The following CELF2 variants were observed in gnomAD, a reference collection of about 807,000 sequenced individuals.
CELF2 encodes CUG triplet repeat RNA-binding protein 2.
A neutral mutation model predicts 62.6 loss-of-function variants in CELF2; 8 were observed. The ratio of observed to expected loss-of-function variants is 0.13; its 90% CI spans 0.07 to 0.23. The LOEUF (loss-of-function observed/expected upper bound fraction) is 0.23. Ranked by LOEUF, CELF2 falls within the 10% of genes least tolerant of loss-of-function variation. CELF2 has a pLI of 1.00. For missense variants in CELF2, 333 were observed against 671.0 expected, an observed-to-expected ratio of 0.50 and a Z score of 5.56; for synonymous variants, 258 against 250.0, an observed-to-expected ratio of 1.03 and a Z score of -0.30.
intron 1 of CELF2, among the ~76,000 whole-genome samples, chr10:11,055,029 T>A (rs184749328): frequency 5.9e-5 from 9 of 152,370 alleles, no homozygotes; most frequent in Admixed American, 2.0e-4. Flanking sequence ...GTGTATTCTT[T>A]TAGAGAAAGT....
rs559831648 is a variant in CELF2 at position 10,913,007 on chromosome 10, AAAG to A, written c.54-6952_54-6950del. On this transcript the variant is annotated intron_variant, in intron 1 of 13. Transcript: ENST00000636488. ...ATGGCCTGGAATAGTGGCTGGTGTT[AAAG>A]AAGATTCCATTTGATGTGAACAGTT... Among the ~76,000 whole-genome samples, 754 of 152,348 alleles carry A rather than the reference AAAG, an allele frequency of 4.9e-3. 7 individuals are homozygous for A. The highest frequency in any genetic ancestry group is 0.017 in the African/African-American group (712 of 41,582).
intron 2 of CELF2, chr10:10,927,363 A>AC (rs2065620565): frequency 6.6e-6 from 1 of 151,456 alleles, no homozygotes; most frequent in African/African-American, 2.4e-5. Context: ...AAAAAAAAAA[A>AC]AAACACCTTT....
the CELF2 span, among the ~76,000 whole-genome samples, chr10:10,781,342 G>A: frequency 1.3e-5 from 2 of 152,166 alleles, no homozygotes; most frequent in African/African-American, 4.8e-5. Flanking sequence ...AGCTGTGTTA[G>A]TCTGTTCTCA....
At chr10:10,650,725 A>G in the CELF2 span, among the ~76,000 whole-genome samples, 2 of 152,252 alleles carry the variant, frequency 1.3e-5, no homozygotes, top group Admixed American at 6.5e-5. Flanking sequence ...TACATTGCTT[A>G]CTAAAAATAG....
chr10:11,214,827 G>A lies in CELF2; in HGVS notation c.272-2598G>A, dbSNP rs1200316393. Among the ~76,000 whole-genome samples the A allele has an allele frequency of 6.6e-6, 1 of 152,238 alleles. No homozygotes were observed. Among genetic ancestry groups the A allele is most frequent in the Non-Finnish European group, 1.5e-5 (1 of 68,042 alleles). On this transcript the variant is annotated intron_variant, in intron 2 of 12. Transcript: ENST00000633077. The surrounding 1 kb of genome is among the most constrained non-coding windows in gnomAD (Gnocchi z 4.2). ...GTTGGAAGAGGATCTGTAGTGATAA[G>A]TGACTGACTTCACCGTACTAGTTGT...
At chr10:10,729,203 G>A in the CELF2 span, among the ~76,000 whole-genome samples, 10 of 152,260 alleles carry the variant, frequency 6.6e-5, no homozygotes, top group African/African-American at 1.4e-4. Context: ...AGGAAGATTC[G>A]GTCTTTTGAC....
intron 2 of CELF2, among the ~76,000 whole-genome samples, chr10:11,186,584 G>A (rs2074993662): frequency 6.6e-6 from 1 of 151,970 alleles, no homozygotes; most frequent in South Asian, 2.1e-4. Context: ...TTGACCTGTG[G>A]GTTATTCAGA....
rs532608849 is a variant in CELF2 at position 11,292,529 on chromosome 10, C to T, written c.976+3977C>T. ...GTGTGATGCATAAGCTGGTTTAACCCACATTTCTGAGCCTTCTAGTTCATG... is the reference window on the plus strand; with the variant it reads ...GTGTGATGCATAAGCTGGTTTAACCTACATTTCTGAGCCTTCTAGTTCATG... On this transcript the variant is annotated intron_variant, in intron 9 of 12. Coordinates refer to ENST00000633077, the MANE Select transcript of CELF2 (RefSeq NM_001326342.2). Among the ~76,000 whole-genome samples the T allele has an allele frequency of 1.6e-4, 24 of 152,280 alleles. No homozygotes were observed. In the South Asian group the frequency reaches 3.7e-3, roughly 24 times the overall value.
the CELF2 span, among the ~76,000 whole-genome samples, chr10:10,777,455 C>T: frequency 2.0e-5 from 3 of 152,144 alleles, no homozygotes; most frequent in African/African-American, 7.2e-5. Flanking sequence ...AGCTATCACA[C>T]CTCACCCCTC....
At chr10:10,559,690 C>T in the CELF2 span, among the ~76,000 whole-genome samples, 1 of 152,196 alleles carries the variant, frequency 6.6e-6, no homozygotes, top group Non-Finnish European at 1.5e-5. Context: ...AAGTCATCTA[C>T]ATCTCCAGTG....
Position 11,320,948 on chromosome 10 carries a change from G to A in CELF2, c.1097-241G>A, listed in dbSNP as rs780488445. Reference sequence around the variant, plus strand: ...GGCATTGAGCTGTCTCGTCTAACTCGTGCCACAGTGCATTTGAATCACTGG... The same window carrying A: ...GGCATTGAGCTGTCTCGTCTAACTCATGCCACAGTGCATTTGAATCACTGG... On this transcript the variant is annotated intron_variant, in intron 10 of 12. Coordinates refer to ENST00000633077, the MANE Select transcript of CELF2 (RefSeq NM_001326342.2). 93 of 1,540,040 alleles carry A rather than the reference G, an allele frequency of 6.0e-5. No individual in the cohort carries two copies. In the South Asian group the frequency reaches 7.5e-4, roughly 12 times the overall value.
chr10:10,620,660 T>C, the CELF2 span, among the ~76,000 whole-genome samples: 1 of 152,002 alleles, frequency 6.6e-6, no homozygotes, highest in Non-Finnish European at 1.5e-5. Flanking sequence ...CCCAGCACTT[T>C]GGGAGGCCGA....
intron 1 of CELF2, among the ~76,000 whole-genome samples, chr10:11,107,408 T>TAGCC (rs921259860): frequency 9.2e-5 from 14 of 152,132 alleles, no homozygotes; most frequent in Non-Finnish European, 1.5e-4. Context: ...CATCCACCAA[T>TAGCC]AGCCACCTCC....
intron 2 of CELF2, chr10:10,923,831 T>C (rs949793400): frequency 1.3e-5 from 2 of 152,266 alleles, no homozygotes; most frequent in Non-Finnish European, 2.9e-5. Context: ...GAACCATTTT[T>C]TGAACTATGA....
the CELF2 span, among the ~76,000 whole-genome samples, chr10:10,696,882 T>A: frequency 9.2e-5 from 14 of 152,320 alleles, no homozygotes; most frequent in South Asian, 1.9e-3. Flanking sequence ...GCCCACTGTC[T>A]GGCACTCCCT....
chr10:10,630,405 A>G, the CELF2 span, among the ~76,000 whole-genome samples: 4 of 152,150 alleles, frequency 2.6e-5, no homozygotes, highest in Non-Finnish European at 5.9e-5. Flanking sequence ...CAGAGAGATA[A>G]TCCTTACACC....
intron 8 of CELF2, among the ~76,000 whole-genome samples, chr10:11,278,538 C>T (rs2086989313): frequency 6.6e-6 from 1 of 152,206 alleles, no homozygotes; most frequent in African/African-American, 2.4e-5. Flanking sequence ...GAGAAAGTGT[C>T]TTCTCTGCCT....
intron 3 of CELF2, among the ~76,000 whole-genome samples, chr10:11,225,021 T>C (rs2066022155): frequency 6.6e-6 from 1 of 152,148 alleles, no homozygotes; most frequent in Admixed American, 6.5e-5. Context: ...AAGTTTCGTC[T>C]GTCCCTCTGC....
chr10:10,486,817 C>G, the CELF2 span, among the ~76,000 whole-genome samples: 1 of 152,040 alleles, frequency 6.6e-6, no homozygotes, highest in African/African-American at 2.4e-5. Context: ...ACTTAGGAAG[C>G]CATTGACATG....
Sources: gnomAD v4.1 joint callset for allele counts (sites outside exome capture counted in the v4.1 genomes callset) on GRCh38, gnomAD v4.1.1 for gene constraint, Gnocchi (gnomAD v3.1) non-coding constraint, MANE v1.5 for transcripts, NCBI Gene and HGNC (gene_info 2026-07-23, HGNC 2026-07-21) for gene names.